Variants in CDH13 observed in about 807,000 individuals in gnomAD.
The protein encoded by CDH13 is cadherin 13, also known as cadherin-13.
CDH13 carries 24 observed loss-of-function variants against 63.8 expected under a neutral mutation model. That is an observed-to-expected ratio of 0.38 (90% confidence interval 0.27 to 0.53). The LOEUF (loss-of-function observed/expected upper bound fraction) is 0.53, where lower values mean the gene tolerates loss of function less well. CDH13 is among the 20% of genes least tolerant of loss of function. The pLI is 0.85. For synonymous variants in CDH13, 503 were observed against 355.3 expected (o/e 1.42, Z -4.67); for missense variants, 1,049 against 903.1 (o/e 1.16, Z -2.07).
chr16:83,008,519 T>C (rs1054693380), intron 2 of CDH13, among the ~76,000 whole-genome samples: 3 of 152,150 alleles, frequency 2.0e-5, no homozygotes, highest in Non-Finnish European at 2.9e-5. Context: ...TACAACAAAG[T>C]ATGTTATGGA....
At chr16:83,481,193 C>G (rs530867678) in intron 6 of CDH13, among the ~76,000 whole-genome samples, 1 of 152,312 alleles carries the variant, frequency 6.6e-6, no homozygotes, top group South Asian at 2.1e-4. Context: ...CACTGTTGCC[C>G]TAACTGTGCT....
chr16:82,645,837 G>C (rs2150897721), intron 1 of CDH13, among the ~76,000 whole-genome samples: 1 of 152,308 alleles, frequency 6.6e-6, no homozygotes, highest in East Asian at 1.9e-4. Context: ...AAGATGCCAT[G>C]GTTATTCCAA....
At chr16:82,808,788 AC>A (rs1347115033) in intron 1 of CDH13, among the ~76,000 whole-genome samples, 1 of 152,140 alleles carries the variant, frequency 6.6e-6, no homozygotes, top group East Asian at 1.9e-4. Flanking sequence ...TCCCAAACTT[AC>A]CCAGTTATTC....
chr16:83,374,042 C>T (rs1158754517), intron 6 of CDH13, among the ~76,000 whole-genome samples: 1 of 152,188 alleles, frequency 6.6e-6, no homozygotes, highest in African/African-American at 2.4e-5. Flanking sequence ...AGAGGGGAGG[C>T]AGTGGAGGGT....
chr16:83,102,631 G>A (rs932484312), intron 3 of CDH13, among the ~76,000 whole-genome samples: 6 of 152,140 alleles, frequency 3.9e-5, no homozygotes, highest in Non-Finnish European at 4.4e-5. Context: ...GTTTCAACAG[G>A]ACCGCTCTGG....
At chr16:83,049,865 C>A (rs1442443128) in intron 3 of CDH13, among the ~76,000 whole-genome samples, 1 of 152,026 alleles carries the variant, frequency 6.6e-6, no homozygotes, top group Non-Finnish European at 1.5e-5. Flanking sequence ...GACAATAATG[C>A]CACAAAAACA....
intron 1 of CDH13, among the ~76,000 whole-genome samples, chr16:82,736,083 C>G (rs55731405): frequency 0.012 from 1,780 of 152,240 alleles, 32 homozygotes; most frequent in African/African-American, 0.041. Context: ...GAAATTAATT[C>G]CCCTGAGTTT....
chr16:82,812,888 A>T (rs909291774), intron 1 of CDH13, among the ~76,000 whole-genome samples: 4 of 148,388 alleles, frequency 2.7e-5, no homozygotes, highest in African/African-American at 1.0e-4. Flanking sequence ...TCTCATAAGG[A>T]TTCATTTGAG....
chr16:82,965,638 C>A (rs186750063), intron 2 of CDH13, among the ~76,000 whole-genome samples: 1 of 152,212 alleles, frequency 6.6e-6, no homozygotes, highest in East Asian at 1.9e-4. Context: ...TCAAGGGATT[C>A]TCCTGCCATG....
At chr16:82,935,351 C>A (rs767142692) in intron 2 of CDH13, among the ~76,000 whole-genome samples, 6 of 152,090 alleles carry the variant, frequency 3.9e-5, no homozygotes, top group Non-Finnish European at 8.8e-5. Flanking sequence ...TCCCCCAACA[C>A]GTGGGGATTA....
intron 1 of CDH13, among the ~76,000 whole-genome samples, chr16:82,813,406 A>C (rs72805984): frequency 0.073 from 11,071 of 152,052 alleles, 478 homozygotes; most frequent in African/African-American, 0.1. Flanking sequence ...GTGTTGCATG[A>C]CTCTCAAGAT....
intron 4 of CDH13, among the ~76,000 whole-genome samples, chr16:83,199,044 G>T (rs149690519): frequency 1.4e-3 from 210 of 152,300 alleles, no homozygotes; most frequent in African/African-American, 4.6e-3. Context: ...AAAAGACGAG[G>T]CAGGCTGGGA....
chr16:83,182,605 A>G (rs1049444372), intron 4 of CDH13, among the ~76,000 whole-genome samples: 5 of 152,220 alleles, frequency 3.3e-5, no homozygotes, highest in African/African-American at 1.2e-4. Context: ...TGTGATCAAA[A>G]GGATTGTGTT....
Position 82,713,700 on chromosome 16 carries a change from G to A in CDH13, c.45+86563G>A, listed in dbSNP as rs28495607. Among the ~76,000 whole-genome samples, 276 of 151,464 alleles carry A rather than the reference G, an allele frequency of 1.8e-3. 1 individual carries two copies. Among genetic ancestry groups the A allele is most frequent in the African/African-American group, 6.5e-3 (269 of 41,320 alleles). On this transcript the variant is annotated intron_variant, in intron 1 of 13. Coordinates refer to ENST00000567109, the MANE Select transcript of CDH13 (RefSeq NM_001257.5). Reference sequence around the variant, plus strand: ...AAATGCATACCAGAAAAACAGTGGTGTGCTCTTTGAATATTAGGTGGCCTA... The same window carrying A: ...AAATGCATACCAGAAAAACAGTGGTATGCTCTTTGAATATTAGGTGGCCTA...
chr16:83,785,423 C>T (rs1426122395), intron 13 of CDH13, among the ~76,000 whole-genome samples: 4 of 152,194 alleles, frequency 2.6e-5, no homozygotes, highest in African/African-American at 9.7e-5. Context: ...CCACTAATTT[C>T]CCAAAGGCCC....
At chr16:82,654,518 C>G (rs745439533) in intron 1 of CDH13, among the ~76,000 whole-genome samples, 1 of 152,196 alleles carries the variant, frequency 6.6e-6, no homozygotes, top group Non-Finnish European at 1.5e-5. Context: ...ATGCAATATT[C>G]TTAAACCTAA....
chr16:83,102,152 G>A (rs2034510153), intron 3 of CDH13, among the ~76,000 whole-genome samples: 1 of 152,292 alleles, frequency 6.6e-6, no homozygotes, highest in Non-Finnish European at 1.5e-5. Context: ...GCCTTTAACA[G>A]TTGGAGAAGG....
At chr16:83,719,872 C>T (rs1385509200) in intron 10 of CDH13, among the ~76,000 whole-genome samples, 7 of 152,202 alleles carry the variant, frequency 4.6e-5, no homozygotes, top group Non-Finnish European at 8.8e-5. Context: ...TTTCCCTGGT[C>T]TGATGCCTGG....
rs1452987000 is a variant in CDH13, at chr16:83,215,654, A to G, written c.484-1691A>G. 2.1e-5 allele frequency among the ~76,000 whole-genome samples: 3 copies of G among 145,400 alleles called. No homozygotes were observed. In the East Asian group the frequency reaches 5.9e-4, roughly 29 times the overall value. ...AGTGGCGGGGGTGGTGGGGTGGTGG[A>G]GCAGGGGGCGGGCAGGACCCATTTT... On this transcript the variant is annotated intron_variant, in intron 4 of 13. Transcript: ENST00000567109.
Sources: gnomAD v4.1 joint callset for allele counts (sites outside exome capture counted in the v4.1 genomes callset) on GRCh38, gnomAD v4.1.1 for gene constraint, MANE v1.5 for transcripts, NCBI Gene and HGNC (gene_info 2026-07-23, HGNC 2026-07-21) for gene names.